Variants in FBXO15 observed in about 807,000 individuals in gnomAD.
The protein encoded by FBXO15 is F-box only protein 15.
Under a neutral mutation model 49.5 loss-of-function variants are expected in FBXO15, and 30 were observed. That is an observed-to-expected ratio of 0.61 (90% confidence interval 0.45 to 0.82). The LOEUF (loss-of-function observed/expected upper bound fraction) is 0.82, where lower values mean the gene tolerates loss of function less well. Ranked by LOEUF, FBXO15 falls within the 40% of genes least tolerant of loss-of-function variation. FBXO15 has a pLI of 0.00. For synonymous variants in FBXO15, 250 were observed against 232.7 expected, an observed-to-expected ratio of 1.07 and a Z score of -0.68; for missense variants, 591 against 631.5, an observed-to-expected ratio of 0.94 and a Z score of 0.69.
intron 8 of FBXO15, among the ~76,000 whole-genome samples, chr18:74,094,239 T>C (rs927277272): frequency 3.3e-5 from 5 of 152,190 alleles, no homozygotes; most frequent in African/African-American, 9.6e-5. Flanking sequence ...CTGACTGTAT[T>C]GGAGGGTAGA....
chr18:74,084,374 A>G (rs1338363170), intron 8 of FBXO15, among the ~76,000 whole-genome samples: 2 of 152,234 alleles, frequency 1.3e-5, no homozygotes, highest in African/African-American at 2.4e-5. Context: ...GGAAATGAGC[A>G]TGAGAGGAGG....
chr18:74,104,296 TA>T, intron 8 of FBXO15, among the ~76,000 whole-genome samples: 1 of 151,910 alleles, frequency 6.6e-6, no homozygotes, highest in Admixed American at 6.6e-5. Context: ...ATAGATTAAC[TA>T]AAAATAAAAA....
At chr18:74,138,381 C>A (rs936430427) in intron 2 of FBXO15, among the ~76,000 whole-genome samples, 1 of 152,152 alleles carries the variant, frequency 6.6e-6, no homozygotes, top group Non-Finnish European at 1.5e-5. Context: ...CCTCCTCCCC[C>A]CGCCTCCCCA....
rs116322778 is a variant in FBXO15, at chr18:74,112,523, G to A, written c.1138+10845C>T. Among the ~76,000 whole-genome samples the A allele has an allele frequency of 3.4e-3, 516 of 152,250 alleles. 2 individuals carry two copies. The highest frequency in any genetic ancestry group is 0.012 in the African/African-American group (494 of 41,558). Reference sequence around the variant, plus strand: ...AGGGGAACTTTCTCAACTTAATAAAGAATAGCTACATCAACCCTGTAGTTA... The same window carrying A: ...AGGGGAACTTTCTCAACTTAATAAAAAATAGCTACATCAACCCTGTAGTTA... On this transcript the variant is annotated intron_variant, in intron 8 of 9. Coordinates refer to ENST00000419743, the MANE Select transcript of FBXO15 (RefSeq NM_001142958.2).
chr18:74,081,647 G>A (rs1912499551), intron 9 of FBXO15, among the ~76,000 whole-genome samples: 1 of 152,158 alleles, frequency 6.6e-6, no homozygotes, highest in Admixed American at 6.5e-5. Flanking sequence ...AGGGGACTGT[G>A]ATCAACAGTG....
intron 8 of FBXO15, among the ~76,000 whole-genome samples, chr18:74,104,989 T>C (rs192918697): frequency 4.6e-5 from 7 of 152,274 alleles, no homozygotes; most frequent in Admixed American, 3.9e-4. Flanking sequence ...GCCACTAAAA[T>C]GAATGAAATC....
At chr18:74,105,828 G>C (rs1913733090) in intron 8 of FBXO15, among the ~76,000 whole-genome samples, 1 of 152,064 alleles carries the variant, frequency 6.6e-6, no homozygotes, top group Non-Finnish European at 1.5e-5. Context: ...TAGTTGGAGG[G>C]ATAGATGAAA....
intron 1 of FBXO15, among the ~76,000 whole-genome samples, chr18:74,144,799 G>A (rs1211594513): frequency 6.6e-6 from 1 of 152,166 alleles, no homozygotes; most frequent in African/African-American, 2.4e-5. Context: ...CGTTTGAGAA[G>A]CACAGCGCCA....
chr18:74,125,840 T>G, intron 6 of FBXO15, 135 bp downstream of exon 6: 1 of 1,235,548 alleles, frequency 8.1e-7, no homozygotes. Flanking sequence ...AAAAATGAAG[T>G]TGGTGAGATG....
At chr18:74,124,601 T>C (rs774507674) in intron 6 of FBXO15, 30 bp from the exon 7 acceptor site, 1 of 1,584,990 alleles carries the variant, frequency 6.3e-7, no homozygotes, top group Non-Finnish European at 8.7e-7. Context: ...GAATACATAT[T>C]TCAACCAAAA....
At chr18:74,109,038 T>C (rs1913893812) in intron 8 of FBXO15, among the ~76,000 whole-genome samples, 1 of 152,160 alleles carries the variant, frequency 6.6e-6, no homozygotes, top group Non-Finnish European at 1.5e-5. Flanking sequence ...TTGTTGCCAC[T>C]AGACCTGCCT....
intron 8 of FBXO15, among the ~76,000 whole-genome samples, chr18:74,108,112 G>C (rs1164773172): frequency 1.3e-5 from 2 of 151,992 alleles, no homozygotes; most frequent in Non-Finnish European, 2.9e-5. Context: ...TTTTACCCAG[G>C]ACATCATGTC....
Position 74,129,398 on chromosome 18 carries a change from T to C in FBXO15, c.785+7A>G. 2 of 1,612,918 alleles carry C rather than the reference T, an allele frequency of 1.2e-6. No individual in the cohort carries two copies. Among genetic ancestry groups the C allele is most frequent in the East Asian group, 2.2e-5 (1 of 44,854 alleles). ...CTCACTCAACAGTTCTGCTGATTGG[T>C]ACTTACCTATGTTTGGTGGGAGTTT... On this transcript the variant is annotated splice_region_variant and intron_variant, in intron 5 of 9. Coordinates refer to ENST00000419743, the MANE Select transcript of FBXO15 (RefSeq NM_001142958.2).
Position 74,144,277 on chromosome 18 carries a change from G to T in FBXO15, c.116+3393C>A, listed in dbSNP as rs111795604. Among the ~76,000 whole-genome samples the T allele has an allele frequency of 4.0e-3, 605 of 152,242 alleles. 4 individuals are homozygous for T. Among genetic ancestry groups the T allele is most frequent in the Non-Finnish European group, 6.6e-3 (450 of 68,032 alleles). On this transcript the variant is annotated intron_variant, in intron 1 of 9. Transcript: ENST00000419743. ...AGACACCAAGGTTTAACAGTTAACAGATCTGATTCATAGGATTACAAAATC... is the reference window on the plus strand; with the variant it reads ...AGACACCAAGGTTTAACAGTTAACATATCTGATTCATAGGATTACAAAATC...
chr18:74,096,482 A>C (rs1913279417), intron 8 of FBXO15, among the ~76,000 whole-genome samples: 1 of 152,132 alleles, frequency 6.6e-6, no homozygotes, highest in African/African-American at 2.4e-5. Context: ...AAAAGGAGCC[A>C]ACAACTTGGC....
At chr18:74,147,612 G>C (rs1979522927) in intron 1 of FBXO15, 58 bp downstream of exon 1, 2 of 1,369,548 alleles carry the variant, frequency 1.5e-6, no homozygotes, top group Non-Finnish European at 1.9e-6. Flanking sequence ...GAAGAGAGCG[G>C]GGCCGCGCAG....
intron 8 of FBXO15, among the ~76,000 whole-genome samples, chr18:74,082,661 G>C (rs1912555314): frequency 6.6e-6 from 1 of 152,128 alleles, no homozygotes; most frequent in African/African-American, 2.4e-5. Context: ...CAGCACACTA[G>C]CCCTGCTGCC....
At chr18:74,144,281 T>TCATAG (rs1979268488) in intron 1 of FBXO15, among the ~76,000 whole-genome samples, 2 of 152,184 alleles carry the variant, frequency 1.3e-5, no homozygotes, top group African/African-American at 2.4e-5. Context: ...TTAACAGATC[T>TCATAG]GATTCATAGG....
intron 1 of FBXO15, among the ~76,000 whole-genome samples, chr18:74,146,360 T>C (rs1319800933): frequency 6.6e-6 from 1 of 152,220 alleles, no homozygotes; most frequent in Non-Finnish European, 1.5e-5. Flanking sequence ...AAATAATGCA[T>C]ACATTTCCAA....
Sources: gnomAD v4.1 joint callset for allele counts (sites outside exome capture counted in the v4.1 genomes callset) on GRCh38, gnomAD v4.1.1 for gene constraint, MANE v1.5 for transcripts, NCBI Gene and HGNC (gene_info 2026-07-23, HGNC 2026-07-21) for gene names.